ADGRL3: variants seen among roughly 807,000 people sequenced by gnomAD.
The protein encoded by ADGRL3 is adhesion G protein-coupled receptor L3, also known as calcium-independent alpha-latrotoxin receptor 3.
ADGRL3 carries 62 observed loss-of-function variants against 153.5 expected under a neutral mutation model. The ratio of observed to expected loss-of-function variants is 0.40; its 90% CI spans 0.33 to 0.50. The LOEUF is 0.50. ADGRL3 is among the 20% of genes least tolerant of loss of function. The pLI, the probability that ADGRL3 is intolerant of heterozygous loss-of-function variation, is 0.47. For missense variants in ADGRL3, 1,641 were observed against 1,859.4 expected, an observed-to-expected ratio of 0.88 and a Z score of 2.16; for synonymous variants, 710 against 672.5, an observed-to-expected ratio of 1.06 and a Z score of -0.86.
intron 11 of ADGRL3, among the ~76,000 whole-genome samples, chr4:61,897,183 A>G (rs956109784): frequency 6.6e-6 from 1 of 152,126 alleles, no homozygotes; most frequent in Non-Finnish European, 1.5e-5. Flanking sequence ...TTTGTTTTGT[A>G]AAAAAATACC....
chr4:61,291,254 C>T (rs1000878704), intron 1 of ADGRL3, among the ~76,000 whole-genome samples: 5 of 148,646 alleles, frequency 3.4e-5, no homozygotes, highest in African/African-American at 1.2e-4. Flanking sequence ...ATGGATTCCA[C>T]ATTCATGAAT....
intron 17 of ADGRL3, among the ~76,000 whole-genome samples, chr4:61,957,561 T>G (rs1237023796): frequency 2.0e-5 from 3 of 148,520 alleles, no homozygotes; most frequent in Admixed American, 2.0e-4. Context: ...ATTTATTTAT[T>G]TATTTATTTA....
intron 1 of ADGRL3, among the ~76,000 whole-genome samples, chr4:61,327,522 A>C (rs999163381): frequency 6.6e-6 from 1 of 151,968 alleles, no homozygotes; most frequent in African/African-American, 2.4e-5. Flanking sequence ...TCTAGATGCC[A>C]TAAAGTATCG....
At chr4:61,246,495 A>C (rs1757142851) in intron 1 of ADGRL3, among the ~76,000 whole-genome samples, 1 of 151,984 alleles carries the variant, frequency 6.6e-6, no homozygotes, top group Admixed American at 6.6e-5. Context: ...GTATACCCAA[A>C]TTTGTTTTGG....
chr4:61,364,331 C>CA (rs33966342), intron 1 of ADGRL3, among the ~76,000 whole-genome samples: 108 of 128,114 alleles, frequency 8.4e-4, no homozygotes, highest in African/African-American at 2.8e-3. Context: ...GACTCCGTCT[C>CA]AAAAAAAAAA....
At chr4:61,950,261 G>GA (rs909893585) in intron 17 of ADGRL3, among the ~76,000 whole-genome samples, 4 of 151,470 alleles carry the variant, frequency 2.6e-5, no homozygotes, top group African/African-American at 9.7e-5. Context: ...AGATGAGACA[G>GA]AAAAAAACAG....
At chr4:61,397,067 C>A (rs897492097) in intron 2 of ADGRL3, among the ~76,000 whole-genome samples, 2 of 151,190 alleles carry the variant, frequency 1.3e-5, no homozygotes, top group African/African-American at 4.9e-5. Context: ...TAAAATAATA[C>A]AAAACAATAA....
At chr4:61,837,474 A>T (rs1378232515) in intron 9 of ADGRL3, among the ~76,000 whole-genome samples, 2 of 152,082 alleles carry the variant, frequency 1.3e-5, no homozygotes, top group Non-Finnish European at 2.9e-5. Context: ...TTTTAGGAGA[A>T]CGGGAAGATG....
At chr4:61,658,820 G>A (rs2094512444) in intron 5 of ADGRL3, among the ~76,000 whole-genome samples, 1 of 151,986 alleles carries the variant, frequency 6.6e-6, no homozygotes, top group South Asian at 2.1e-4. Context: ...TCCTCCTTCA[G>A]GAAACCTGCC....
Position 61,517,324 on chromosome 4 carries a change from A to T in ADGRL3, c.65A>T (p.His22Leu), listed in dbSNP as rs1179250171. Residue 22 changes from histidine to leucine, a missense_variant, in exon 4 of 27, where the codon CAC becomes CTC. Physicochemically the swap from His to Leu is moderately conservative, Grantham distance 99 (BLOSUM62 -3). Transcript: ENST00000683033. ...LLAPIIHGGK[H>L]SERHPALAAP... ...CCTGCGGTCCCCGCAGGTGGCAAGC[A>T]CAGTGAACGACATCCTGCCCTTGCT... 1 of 703,008 alleles carries T rather than the reference A, an allele frequency of 1.4e-6. No individual in the cohort carries two copies. The allele number at this position is 703,008 out of a possible 1,614,324, so 43.5% of individuals were successfully genotyped here.
chr4:61,802,857 A>C (rs1352661616), intron 8 of ADGRL3, among the ~76,000 whole-genome samples: 2 of 152,072 alleles, frequency 1.3e-5, no homozygotes, highest in Non-Finnish European at 2.9e-5. Context: ...TGTCATTTTT[A>C]TTGCTGCTTT....
chr4:61,878,352 G>T (rs1035229091), intron 9 of ADGRL3, among the ~76,000 whole-genome samples: 2 of 152,158 alleles, frequency 1.3e-5, no homozygotes, highest in Non-Finnish European at 2.9e-5. Context: ...CCCATAACAG[G>T]TGAAAACTGA....
At chr4:61,405,034 G>C (rs900295710) in intron 2 of ADGRL3, among the ~76,000 whole-genome samples, 3 of 152,000 alleles carry the variant, frequency 2.0e-5, no homozygotes, top group African/African-American at 7.2e-5. Flanking sequence ...GAAGTTCTTT[G>C]TCAACCCCAT....
chr4:61,622,646 C>A (rs1021048534), intron 5 of ADGRL3, among the ~76,000 whole-genome samples: 3 of 152,108 alleles, frequency 2.0e-5, no homozygotes, highest in African/African-American at 4.8e-5. Context: ...ATGTGCTAGG[C>A]ATTCTGGTGT....
At chr4:61,559,101 C>A (rs1020827870) in intron 4 of ADGRL3, among the ~76,000 whole-genome samples, 1 of 151,946 alleles carries the variant, frequency 6.6e-6, no homozygotes, top group African/African-American at 2.4e-5. Context: ...TGATAATTAT[C>A]ATGTATTTTT....
At chr4:61,771,370 T>C (rs923159557) in intron 8 of ADGRL3, among the ~76,000 whole-genome samples, 1 of 152,134 alleles carries the variant, frequency 6.6e-6, no homozygotes, top group Non-Finnish European at 1.5e-5. Flanking sequence ...TAATTCCATA[T>C]TAGGAGAGAA....
At chr4:61,817,434 G>A (rs2097701190) in intron 9 of ADGRL3, among the ~76,000 whole-genome samples, 1 of 152,130 alleles carries the variant, frequency 6.6e-6, no homozygotes, top group Admixed American at 6.5e-5. Context: ...CCCAGACTCA[G>A]CCATACTTGG....
At position 61,895,466 on chromosome 4, in the gene ADGRL3, AAATAATAAT is replaced by A. The variant is rs10603633; in HGVS notation, c.1784-239_1784-231del. Among the ~76,000 whole-genome samples, 431 of 147,900 alleles carry A rather than the reference AAATAATAAT, an allele frequency of 2.9e-3. 5 individuals carry two copies. Among genetic ancestry groups the A allele is most frequent in the African/African-American group, 9.8e-3 (393 of 40,276 alleles). ...GGGCAACAGAACAAGACTCCATCTC[AAATAATAAT>A]AATAATAATAATAATAATAATAATA... is the stretch of plus-strand genomic sequence containing the variant. On this transcript the variant is annotated intron_variant, in intron 10 of 26. Coordinates refer to ENST00000683033, the MANE Select transcript of ADGRL3 (RefSeq NM_001387552.1).
At chr4:62,007,383 T>TATATATATATATATATACAC (rs71213024) in intron 21 of ADGRL3, among the ~76,000 whole-genome samples, 13 of 30,758 alleles carry the variant, frequency 4.2e-4, no homozygotes, top group Non-Finnish European at 5.8e-4. Context: ...TATATATATA[T>TATATATATATATATATACAC]ACACACACAC....
Sources: gnomAD v4.1 joint callset for allele counts (sites outside exome capture counted in the v4.1 genomes callset) on GRCh38, gnomAD v4.1.1 for gene constraint, MANE v1.5 for transcripts, NCBI Gene and HGNC (gene_info 2026-07-23, HGNC 2026-07-21) for gene names.